SLC26A7: variants seen among roughly 807,000 people sequenced by gnomAD.
SLC26A7 encodes the protein solute carrier family 26 member 7.
SLC26A7 carries 59 observed loss-of-function variants against 82.5 expected under a neutral mutation model. The ratio of observed to expected loss-of-function variants is 0.72; its 90% CI spans 0.58 to 0.89. The LOEUF (loss-of-function observed/expected upper bound fraction) is 0.89, where lower values mean the gene tolerates loss of function less well. SLC26A7 is among the 40% of genes least tolerant of loss of function. The pLI is 0.00. For missense variants in SLC26A7, 820 were observed against 793.0 expected (o/e 1.03, Z -0.41); for synonymous variants, 271 against 274.3 (o/e 0.99, Z 0.12).
chr8:91,391,769 G>A (rs1814975952), intron 16 of SLC26A7, among the ~76,000 whole-genome samples: 1 of 151,934 alleles, frequency 6.6e-6, no homozygotes, highest in Non-Finnish European at 1.5e-5. Flanking sequence ...CTGATGCAGG[G>A]GGCTCAAGGA....
At chr8:91,262,665 T>C (rs1405249434) in intron 2 of SLC26A7, among the ~76,000 whole-genome samples, 5 of 152,046 alleles carry the variant, frequency 3.3e-5, no homozygotes, top group African/African-American at 4.8e-5. Flanking sequence ...ATTTGACTTT[T>C]TTTTTTCTCC....
intron 4 of SLC26A7, among the ~76,000 whole-genome samples, chr8:91,310,622 A>G (rs1812454642): frequency 6.6e-6 from 1 of 152,212 alleles, no homozygotes; most frequent in African/African-American, 2.4e-5. Context: ...ACGCGTATTA[A>G]GGGGCAAAAT....
chr8:91,366,964 T>G (rs1425467903), intron 14 of SLC26A7, among the ~76,000 whole-genome samples: 3 of 152,088 alleles, frequency 2.0e-5, no homozygotes. Context: ...AAAGAATAAA[T>G]AAGACAAATG....
chr8:91,319,535 T>C (rs1812732684), intron 5 of SLC26A7, among the ~76,000 whole-genome samples: 3 of 152,216 alleles, frequency 2.0e-5, no homozygotes, highest in Non-Finnish European at 2.9e-5. Flanking sequence ...TGCTCAATGA[T>C]TCATTCATTG....
chr8:91,321,388 C>T (rs972142619), intron 5 of SLC26A7, among the ~76,000 whole-genome samples: 2 of 152,190 alleles, frequency 1.3e-5, no homozygotes, highest in South Asian at 2.1e-4. Flanking sequence ...AAACACGCCC[C>T]GACTCCAGCG....
At chr8:91,239,714 G>A (rs1317651886) in intron 2 of SLC26A7, among the ~76,000 whole-genome samples, 3 of 152,000 alleles carry the variant, frequency 2.0e-5, no homozygotes, top group Non-Finnish European at 2.9e-5. Context: ...TTCAATTCAA[G>A]AACTAATTCA....
In SLC26A7 at chr8:91,269,643, C is replaced by T. The variant is rs538953208; in HGVS notation, c.194-19493C>T. ...TTTTATTGGTTACTTCCAAGGTTCCCGTTCCTGGATGCTGCCATCTTTCTC... is the reference window on the plus strand; with the variant it reads ...TTTTATTGGTTACTTCCAAGGTTCCTGTTCCTGGATGCTGCCATCTTTCTC... On this transcript the variant is annotated intron_variant, in intron 2 of 18. Coordinates refer to ENST00000276609, the MANE Select transcript of SLC26A7 (RefSeq NM_052832.4). Among the ~76,000 whole-genome samples, 3 of 152,180 alleles carry T rather than the reference C, an allele frequency of 2.0e-5. 1 individual carries two copies. The highest frequency in any genetic ancestry group is 7.2e-5 in the African/African-American group (3 of 41,518).
At chr8:91,304,724 T>A (rs1207217824) in intron 4 of SLC26A7, among the ~76,000 whole-genome samples, 1 of 152,182 alleles carries the variant, frequency 6.6e-6, no homozygotes, top group East Asian at 1.9e-4. Context: ...GGAAACTTAA[T>A]CCATCTACTT....
intron 3 of SLC26A7, among the ~76,000 whole-genome samples, chr8:91,291,356 TC>T (rs1304191193): frequency 6.6e-6 from 1 of 152,170 alleles, no homozygotes; most frequent in African/African-American, 2.4e-5. Context: ...AATAAGCTTT[TC>T]TTTTGTATTG....
chr8:91,317,841 A>T (rs112381692), intron 4 of SLC26A7, among the ~76,000 whole-genome samples: 1 of 151,700 alleles, frequency 6.6e-6, no homozygotes, highest in Non-Finnish European at 1.5e-5. Context: ...GGATTAGGAA[A>T]AGAGAAAAGT....
intron 2 of SLC26A7, among the ~76,000 whole-genome samples, chr8:91,268,609 C>T (rs556327525): frequency 2.0e-4 from 30 of 151,834 alleles, no homozygotes; most frequent in African/African-American, 6.5e-4. Context: ...CAAAGTGTCA[C>T]TGATAGTGAC....
chr8:91,366,361 C>T (rs1054097796), intron 13 of SLC26A7, among the ~76,000 whole-genome samples: 1 of 152,164 alleles, frequency 6.6e-6, no homozygotes, highest in African/African-American at 2.4e-5. Flanking sequence ...TTCTGAAAAG[C>T]TGCCAACCTT....
chr8:91,245,020 C>G (rs1472517005), upstream of SLC26A7, among the ~76,000 whole-genome samples: 1 of 152,154 alleles, frequency 6.6e-6, no homozygotes, highest in African/African-American at 2.4e-5. Flanking sequence ...CTCTACTGTA[C>G]TGGTTGGCCT....
At chr8:91,327,097 T>G (rs1812952950) in intron 5 of SLC26A7, among the ~76,000 whole-genome samples, 1 of 152,196 alleles carries the variant, frequency 6.6e-6, no homozygotes, top group Non-Finnish European at 1.5e-5. Flanking sequence ...CACTGGAGTT[T>G]AGAATGTAGA....
chr8:91,329,731 C>A (rs1813027318), intron 5 of SLC26A7, among the ~76,000 whole-genome samples: 1 of 152,076 alleles, frequency 6.6e-6, no homozygotes, highest in Non-Finnish European at 1.5e-5. Context: ...TTGTCTTCTT[C>A]CTGACAGATC....
At chr8:91,249,495 ATCTCTCTCTC>A in intron 1 of SLC26A7, 34 bp from the exon 2 acceptor site, 1 of 448,026 alleles carries the variant, frequency 2.2e-6, no homozygotes, top group East Asian at 3.6e-5. Context: ...GCTTCTGTTA[ATCTCTCTCTC>A]TCTCTCTCTT....
At chr8:91,234,772 CTT>C (rs1563637382) in intron 2 of SLC26A7, among the ~76,000 whole-genome samples, 17 of 146,188 alleles carry the variant, frequency 1.2e-4, no homozygotes, top group East Asian at 6.1e-4. Flanking sequence ...TCCTTCCTTC[CTT>C]CCTTCCTTCC....
chr8:91,345,262 T>C (rs2084765757), intron 9 of SLC26A7, among the ~76,000 whole-genome samples: 1 of 152,196 alleles, frequency 6.6e-6, no homozygotes, highest in Admixed American at 6.5e-5. Context: ...TATAGTACTT[T>C]CTTCCTGGTT....
At chr8:91,243,521 C>T (rs1810501820) in intron 2 of SLC26A7, among the ~76,000 whole-genome samples, 1 of 152,090 alleles carries the variant, frequency 6.6e-6, no homozygotes, top group African/African-American at 2.4e-5. Flanking sequence ...AGTCTGGAGA[C>T]TCCAAAGCAG....
Sources: allele counts gnomAD v4.1 joint callset (sites outside exome capture counted in the v4.1 genomes callset), GRCh38; gene constraint gnomAD v4.1.1; transcripts MANE v1.5; gene names NCBI Gene and HGNC (gene_info 2026-07-23, HGNC 2026-07-21).